Variants in CFAP47 observed in about 807,000 individuals in gnomAD.
CFAP47 encodes cilia- and flagella-associated protein 47.
In CFAP47, 29 loss-of-function variants were observed where a neutral mutation model predicts 148.1. The ratio of observed to expected loss-of-function variants is 0.20; its 90% CI spans 0.15 to 0.27. The LOEUF (loss-of-function observed/expected upper bound fraction) is 0.27. Ranked by LOEUF, CFAP47 falls within the 10% of genes least tolerant of loss-of-function variation. CFAP47 has a pLI of 1.00. For synonymous variants in CFAP47, 664 were observed against 577.3 expected (o/e 1.15, Z -2.15); for missense variants, 1,872 against 1,697.5 (o/e 1.10, Z -1.81).
intron 54 of CFAP47, among the ~76,000 whole-genome samples, chrX:36,304,565 C>T (rs1036095111): frequency 3.5e-4 from 39 of 110,869 alleles, no homozygotes; most frequent in African/African-American, 1.1e-3. Flanking sequence ...TTTTAGTAAT[C>T]GGTTTTTGTA....
intron 33 of CFAP47, among the ~76,000 whole-genome samples, chrX:36,131,300 T>C (rs998092065): frequency 1.3e-4 from 14 of 111,379 alleles, no homozygotes; most frequent in Non-Finnish European, 2.3e-4. Flanking sequence ...GCTAGAGGGA[T>C]TGTAAAATGG....
chrX:36,042,585 AATAG>A (rs199631789), intron 25 of CFAP47, among the ~76,000 whole-genome samples: 2,016 of 110,954 alleles, frequency 0.018, 48 homozygotes, highest in African/African-American at 0.061. Flanking sequence ...AGATAAATAT[AATAG>A]ATAAAGATAT....
chrX:35,940,298 A>G (rs1467625873), intron 2 of CFAP47, among the ~76,000 whole-genome samples: 1 of 111,022 alleles, frequency 9.0e-6, no homozygotes, highest in Non-Finnish European at 1.9e-5. Flanking sequence ...TCTTGAGTTT[A>G]ATTAGATCCC....
At chrX:36,105,144 G>A (rs769565645) in intron 33 of CFAP47, among the ~76,000 whole-genome samples, 2 of 111,812 alleles carry the variant, frequency 1.8e-5, no homozygotes, top group East Asian at 5.7e-4. Context: ...TGGAGGGTAG[G>A]TCATATTAGG....
chrX:36,365,729 T>G (rs948857148), intron 61 of CFAP47: 2 of 110,919 alleles, frequency 1.8e-5, no homozygotes, highest in African/African-American at 6.5e-5. Context: ...TGAGAACATG[T>G]GGTATTTGGT....
At chrX:35,971,073 A>G (rs931403254) in intron 11 of CFAP47, 150 bp downstream of exon 11, 1 of 437,924 alleles carries the variant, frequency 2.3e-6, no homozygotes, top group South Asian at 4.5e-5. Flanking sequence ...TGCTTTAACT[A>G]CAATTATTTC....
At chrX:36,249,698 G>A (rs900908141) in intron 48 of CFAP47, among the ~76,000 whole-genome samples, 1 of 111,243 alleles carries the variant, frequency 9.0e-6, no homozygotes, top group Non-Finnish European at 1.9e-5. Context: ...TCCAGACAGA[G>A]GCATCATGGA....
intron 40 of CFAP47, among the ~76,000 whole-genome samples, chrX:36,184,501 T>C (rs1364085217): frequency 1.3e-4 from 15 of 112,279 alleles, no homozygotes; most frequent in African/African-American, 4.8e-4. Context: ...TATTGTAGAC[T>C]GTATGCTCCA....
At chrX:36,231,304 G>A (rs1443729359) in intron 46 of CFAP47, among the ~76,000 whole-genome samples, 2 of 105,457 alleles carry the variant, frequency 1.9e-5, no homozygotes, top group Non-Finnish European at 3.9e-5. Context: ...GTGGTTTGTA[G>A]TTCTCCTTGA....
At chrX:36,054,874 G>A (rs1044045627) in intron 26 of CFAP47, among the ~76,000 whole-genome samples, 3 of 109,966 alleles carry the variant, frequency 2.7e-5, no homozygotes, top group Non-Finnish European at 5.7e-5. Flanking sequence ...CCGGGTTCAC[G>A]CCATTCTCCT....
intron 48 of CFAP47, among the ~76,000 whole-genome samples, chrX:36,247,059 T>G (rs1174443900): frequency 5.4e-5 from 6 of 111,331 alleles, no homozygotes; most frequent in African/African-American, 2.0e-4. Flanking sequence ...ATAGAGAAAA[T>G]GTAGTACATA....
At chrX:36,085,636 A>C in intron 30 of CFAP47, 98 bp downstream of exon 30, 1 of 391,341 alleles carries the variant, frequency 2.6e-6, no homozygotes, top group Non-Finnish European at 4.4e-6. Context: ...TTCCTTTCTA[A>C]CCAAACACAC....
intron 2 of CFAP47, among the ~76,000 whole-genome samples, chrX:35,936,509 T>C (rs1213623157): frequency 9.2e-6 from 1 of 109,262 alleles, no homozygotes; most frequent in East Asian, 2.9e-4. Context: ...GAGGTTCATC[T>C]TGGTTGACAT....
chrX:36,179,116 T>C (rs1442787526), intron 39 of CFAP47, among the ~76,000 whole-genome samples: 1 of 112,318 alleles, frequency 8.9e-6, no homozygotes. Flanking sequence ...TGCCATTCCA[T>C]ATAAAAAGAT....
intron 51 of CFAP47, among the ~76,000 whole-genome samples, chrX:36,296,550 G>A (rs781976742): frequency 4.4e-5 from 5 of 112,372 alleles, no homozygotes; most frequent in Admixed American, 9.4e-5. Flanking sequence ...TGTGATATGC[G>A]TATGTGAACC....
At chrX:35,937,099 TTGC>T (rs1334900194) in intron 2 of CFAP47, among the ~76,000 whole-genome samples, 2 of 96,216 alleles carry the variant, frequency 2.1e-5, no homozygotes, top group Non-Finnish European at 4.1e-5. Flanking sequence ...CTGCTTGCAA[TTGC>T]TGTTTTTTTT....
chrX:36,232,802 C>G lies in CFAP47; in HGVS notation c.7015-3132C>G, dbSNP rs1286650071. ...CTGCTTTAAATGTGTCCCAGAGATTCTGGTATGTTGTGTCTTTGTTCTTAT... is the reference window on the plus strand; with the variant it reads ...CTGCTTTAAATGTGTCCCAGAGATTGTGGTATGTTGTGTCTTTGTTCTTAT... On this transcript the variant is annotated intron_variant, in intron 46 of 63. Coordinates refer to ENST00000378653, the MANE Select transcript of CFAP47 (RefSeq NM_001304548.2). Among the ~76,000 whole-genome samples the G allele has an allele frequency of 4.5e-5, 5 of 111,787 alleles. No individual in the cohort carries two copies. The East Asian group carries it at 1.4e-3, about 31-fold the overall frequency.
At position 36,173,085 on chromosome X, in the gene CFAP47, G is replaced by A. The variant is rs767596505; in HGVS notation, c.6027-6260G>A. Among the ~76,000 whole-genome samples, 510 of 110,773 alleles carry A rather than the reference G, an allele frequency of 4.6e-3. 7 individuals carry two copies. Among genetic ancestry groups the A allele is most frequent in the African/African-American group, 0.016 (488 of 30,548 alleles). ...CTTCTAGATTTTCTAGTTTATTTGC[G>A]TAGAGGTGTTTGTAGTATTCTCTGA... On this transcript the variant is annotated intron_variant, in intron 39 of 63. Transcript: ENST00000378653.
At chrX:36,349,872 T>G (rs1361715682) in intron 58 of CFAP47, among the ~76,000 whole-genome samples, 166 bp from the exon 59 acceptor site, 1 of 112,151 alleles carries the variant, frequency 8.9e-6, no homozygotes, top group African/African-American at 3.2e-5. Flanking sequence ...GAAATGTTTA[T>G]AAAATCAGTA....
Sources: allele counts gnomAD v4.1 joint callset (sites outside exome capture counted in the v4.1 genomes callset), GRCh38; gene constraint gnomAD v4.1.1; transcripts MANE v1.5; gene names NCBI Gene and HGNC (gene_info 2026-07-23, HGNC 2026-07-21).